Variants in SHTN1 observed in about 807,000 individuals in gnomAD.
SHTN1 encodes shootin-1.
In SHTN1, 42 loss-of-function variants were observed where a neutral mutation model predicts 83.1. The observed-to-expected ratio is 0.51, with a 90% CI of 0.39 to 0.65. The LOEUF is 0.65. Ranked by LOEUF, SHTN1 falls within the 30% of genes least tolerant of loss-of-function variation. The pLI, the probability that SHTN1 is intolerant of heterozygous loss-of-function variation, is 0.00. For synonymous variants in SHTN1, 224 were observed against 247.7 expected (o/e 0.90, Z 0.90); for missense variants, 622 against 737.8 (o/e 0.84, Z 1.82).
At chr10:116,965,809 T>G (rs966300073) in intron 3 of SHTN1, among the ~76,000 whole-genome samples, 1 of 152,200 alleles carries the variant, frequency 6.6e-6, no homozygotes, top group African/African-American at 2.4e-5. Context: ...AAATGGTATA[T>G]GAAGCAAGGT....
intron 15 of SHTN1, among the ~76,000 whole-genome samples, chr10:116,904,221 AC>A (rs1847870656): frequency 6.6e-6 from 1 of 151,788 alleles, no homozygotes; most frequent in Non-Finnish European, 1.5e-5. Context: ...CCAACTCCTC[AC>A]CTCTGTCACC....
intron 2 of SHTN1, among the ~76,000 whole-genome samples, chr10:116,973,539 GTTAAACACTGGGCACAATAC>G (rs1180861879): frequency 1.3e-5 from 2 of 152,176 alleles, no homozygotes; most frequent in Non-Finnish European, 2.9e-5. Flanking sequence ...CAGCCACTAT[GTTAAACACTGGGCACAATAC>G]ATGAACACAA....
In SHTN1 at chr10:116,948,990, T is replaced by A; in HGVS notation, c.542A>T (p.Lys181Ile). The A allele has an allele frequency of 6.4e-7, 1 of 1,557,174 alleles. No homozygotes were observed. Among genetic ancestry groups the A allele is most frequent in the Non-Finnish European group, 8.7e-7 (1 of 1,152,376 alleles). The change falls in exon 7 of 17, where the codon AAA becomes ATA. Residue 181 changes from lysine to isoleucine, a missense_variant. Physicochemically the swap from Lys to Ile is moderately radical, Grantham distance 102. This residue lies in a region of SHTN1 where 383 missense variants were observed against 455.8 expected (regional missense o/e 0.84). Coordinates refer to ENST00000355371, the MANE Select transcript of SHTN1 (RefSeq NM_001127211.3). ...KLVEVIEEVN[K>I]VKQEKTVLNS... is the part of the protein sequence containing the mutation. ...TAAAACAGTCTTTTCTTGTTTAACT[T>A]TATTTACCTAAAAATGTGAAATTTT... is the stretch of plus-strand genomic sequence containing the variant.
At chr10:117,058,503 A>G (rs1298710766) in intron 1 of SHTN1, among the ~76,000 whole-genome samples, 1 of 152,206 alleles carries the variant, frequency 6.6e-6, no homozygotes, top group Non-Finnish European at 1.5e-5. Context: ...TATGGTGGCT[A>G]CTATTAAAAA....
intron 8 of SHTN1, among the ~76,000 whole-genome samples, chr10:116,943,553 C>G (rs1390993940): frequency 6.6e-6 from 1 of 152,100 alleles, no homozygotes; most frequent in Non-Finnish European, 1.5e-5. Context: ...TTTTTTCTTT[C>G]TTCCAAGTAA....
chr10:116,901,409 T>C (rs962920594), intron 16 of SHTN1: 7 of 985,420 alleles, frequency 7.1e-6, no homozygotes, highest in Non-Finnish European at 8.4e-6. Flanking sequence ...TAGTATCTTC[T>C]TGGGCTGCTC....
chr10:117,061,429 C>G (rs1159004806), intron 1 of SHTN1, among the ~76,000 whole-genome samples: 1 of 151,990 alleles, frequency 6.6e-6, no homozygotes, highest in Non-Finnish European at 1.5e-5. Flanking sequence ...AACTCCTGAC[C>G]TCAGGCGATC....
chr10:116,927,435 C>T (rs891199632), intron 11 of SHTN1, among the ~76,000 whole-genome samples: 4 of 152,030 alleles, frequency 2.6e-5, no homozygotes, highest in South Asian at 2.1e-4. Context: ...ACAATCATGG[C>T]GGAAGGCAAG....
chr10:117,109,464 G>A (rs2133637444), intron 1 of SHTN1, among the ~76,000 whole-genome samples: 1 of 148,344 alleles, frequency 6.7e-6, no homozygotes, highest in African/African-American at 2.5e-5. Context: ...ATTAACAGTG[G>A]TTTTCTCTGA....
intron 2 of SHTN1, among the ~76,000 whole-genome samples, chr10:117,033,352 C>A (rs1852448600): frequency 6.6e-6 from 1 of 151,892 alleles, no homozygotes; most frequent in Non-Finnish European, 1.5e-5. Context: ...GGAGACATTA[C>A]AACTGATACT....
chr10:116,949,989 T>C (rs1471904950), intron 6 of SHTN1, among the ~76,000 whole-genome samples: 4 of 152,192 alleles, frequency 2.6e-5, no homozygotes, highest in African/African-American at 4.8e-5. Context: ...CTATGTATTG[T>C]AGTGAACATG....
At chr10:116,921,602 G>A in intron 11 of SHTN1, 86 bp from the exon 12 acceptor site, 1 of 852,390 alleles carries the variant, frequency 1.2e-6, no homozygotes, top group Non-Finnish European at 1.9e-6. Flanking sequence ...TTTGATAGGT[G>A]CATGAATATA....
intron 1 of SHTN1, among the ~76,000 whole-genome samples, chr10:117,070,208 A>C (rs1212527222): frequency 1.3e-5 from 2 of 152,142 alleles, no homozygotes; most frequent in East Asian, 3.9e-4. Context: ...AAATGGCTGC[A>C]AACTACCACT....
chr10:117,011,300 C>T (rs1323339787), intron 2 of SHTN1, among the ~76,000 whole-genome samples: 1 of 152,184 alleles, frequency 6.6e-6, no homozygotes, highest in Non-Finnish European at 1.5e-5. Flanking sequence ...ATACCAACTT[C>T]AGTCTTTTGC....
intron 13 of SHTN1, among the ~76,000 whole-genome samples, chr10:116,914,084 C>T (rs1157853868): frequency 1.3e-5 from 2 of 152,210 alleles, no homozygotes; most frequent in Non-Finnish European, 2.9e-5. Flanking sequence ...AGTATTCTTT[C>T]CCTCTTTCCA....
At position 116,927,281 on chromosome 10, in the gene SHTN1, G is replaced by T. The variant is rs1848775680; in HGVS notation, c.1112+511C>A. Among the ~76,000 whole-genome samples the T allele has an allele frequency of 2.0e-5, 3 of 152,280 alleles. No homozygotes were observed. In the South Asian group the frequency reaches 6.2e-4, roughly 32 times the overall value. On this transcript the variant is annotated intron_variant, in intron 11 of 16. Transcript: ENST00000355371. ...AAAGGAAATCTTAATGTTATTGAAT[G>T]AAATTTGTATACTACAAGAAGGGAA...
intron 2 of SHTN1, among the ~76,000 whole-genome samples, chr10:117,038,034 A>G (rs1413900750): frequency 6.6e-6 from 1 of 151,278 alleles, no homozygotes; most frequent in Non-Finnish European, 1.5e-5. Flanking sequence ...AGTGAACCAG[A>G]AAGGATAGCC....
chr10:117,005,180 A>G lies in SHTN1; in HGVS notation c.-101T>C, dbSNP rs1167766808. 10 of 1,539,302 alleles carry G rather than the reference A, an allele frequency of 6.5e-6. No homozygotes were observed. The highest frequency in any genetic ancestry group is 8.7e-6 in the Non-Finnish European group (10 of 1,143,134). On this transcript the variant is annotated 5_prime_UTR_variant, in exon 1 of 17. Coordinates refer to ENST00000355371, the MANE Select transcript of SHTN1 (RefSeq NM_001127211.3). ...CAAGATGCCGGTGGCTTGCGGCTCC[A>G]CTACCCGGAAGTTGGATCCGCTCCC...
intron 11 of SHTN1, among the ~76,000 whole-genome samples, chr10:116,925,065 T>TA (rs1848697813): frequency 6.6e-6 from 1 of 152,168 alleles, no homozygotes; most frequent in Non-Finnish European, 1.5e-5. Flanking sequence ...CTTCACCTGT[T>TA]AGTTTTTCAA....
Sources: gnomAD v4.1 joint callset for allele counts (sites outside exome capture counted in the v4.1 genomes callset) on GRCh38, gnomAD v4.1.1 for gene constraint, gnomAD v4.1.1 regional missense constraint, MANE v1.5 for transcripts, NCBI Gene and HGNC (gene_info 2026-07-23, HGNC 2026-07-21) for gene names.